Variants in CA1 observed in about 807,000 individuals in gnomAD.
CA1 encodes the protein carbonic anhydrase 1.
A neutral mutation model predicts 28.8 loss-of-function variants in CA1; 27 were observed. That is an observed-to-expected ratio of 0.94 (90% CI 0.69 to 1.29). The LOEUF (loss-of-function observed/expected upper bound fraction) is 1.29. Among genes scored for constraint, CA1 ranks in the 50% most tolerant of loss-of-function variants. The pLI is 0.00. For missense variants in CA1, 335 were observed against 310.5 expected, an observed-to-expected ratio of 1.08 and a Z score of -0.59; for synonymous variants, 121 against 108.8, an observed-to-expected ratio of 1.11 and a Z score of -0.70.
intron 1 of CA1, among the ~76,000 whole-genome samples, chr8:85,356,813 C>A (rs1019739498): frequency 6.6e-6 from 1 of 152,082 alleles, no homozygotes; most frequent in East Asian, 1.9e-4. Context: ...AGATGAATCT[C>A]CTAAATTATT....
chr8:85,348,630 C>T (rs79569380), intron 1 of CA1, among the ~76,000 whole-genome samples: 4,081 of 152,234 alleles, frequency 0.027, 180 homozygotes, highest in African/African-American at 0.092. Flanking sequence ...GAAGTAGTAT[C>T]TACAACGTTC....
intron 1 of CA1, among the ~76,000 whole-genome samples, chr8:85,354,386 C>G (rs1183850149): frequency 6.6e-6 from 1 of 151,662 alleles, no homozygotes; most frequent in Non-Finnish European, 1.5e-5. Context: ...GGAAATTAAT[C>G]TCTTAGATAC....
At position 85,337,018 on chromosome 8, in the gene CA1, A is replaced by G. The variant is rs752065293; in HGVS notation, c.281T>C (p.Phe94Ser). 1.2e-6 allele frequency: 2 copies of G among 1,613,354 alleles called. No homozygotes were observed. The highest frequency in any genetic ancestry group is 1.7e-6 in the Non-Finnish European group (2 of 1,179,376). ...ATTTGTACTGCCCCAGTGAAAATGG[A>G]ACTGAAAGAGCCTGTAGCTGTCAGA... ...PFSDSYRLFQ[F>S]HFHWGSTNEH... The change falls in exon 4 of 8, where the codon TTC (phenylalanine) becomes TCC (serine). Residue 94 changes from phenylalanine (F) to serine (S), a missense_variant. Phe to Ser is a radical substitution (Grantham distance 155). Transcript: ENST00000523022.
chr8:85,347,129 C>CT (rs1030193130), intron 1 of CA1, among the ~76,000 whole-genome samples: 4 of 152,150 alleles, frequency 2.6e-5, no homozygotes, highest in African/African-American at 9.7e-5. Context: ...CTGAAATCAG[C>CT]TTTTTTAGCT....
intron 2 of CA1, among the ~76,000 whole-genome samples, 184 bp from the exon 3 acceptor site, chr8:85,338,633 T>TCC: frequency 6.3e-4 from 1 of 1,582 alleles, no homozygotes; most frequent in Non-Finnish European, 2.1e-3. Flanking sequence ...TTTCCTTCTT[T>TCC]TTCTTTCTTT....
chr8:85,344,210 TA>T (rs1809053187), intron 1 of CA1, among the ~76,000 whole-genome samples: 3 of 110,550 alleles, frequency 2.7e-5, no homozygotes, highest in South Asian at 4.6e-4. Flanking sequence ...CAGTATATAA[TA>T]TAATTATATT....
intron 1 of CA1, among the ~76,000 whole-genome samples, chr8:85,356,515 T>G (rs1410598807): frequency 6.6e-6 from 1 of 152,182 alleles, no homozygotes; most frequent in Admixed American, 6.5e-5. Context: ...AAAATATTTA[T>G]TCACTAATTT....
At chr8:85,332,427 A>G (rs1219211833) in intron 6 of CA1, 63 bp downstream of exon 6, 7 of 1,335,124 alleles carry the variant, frequency 5.2e-6, no homozygotes, top group Non-Finnish European at 7.5e-6. Context: ...ACTTCATTAA[A>G]TGATTTCCAT....
intron 1 of CA1, among the ~76,000 whole-genome samples, chr8:85,362,288 T>C (rs1220398774): frequency 6.6e-6 from 1 of 152,200 alleles, no homozygotes; most frequent in Non-Finnish European, 1.5e-5. Flanking sequence ...TAATCTCCCA[T>C]CTCAGGATCC....
At chr8:85,332,049 C>CA (rs1808428232) in intron 6 of CA1, among the ~76,000 whole-genome samples, 2 of 152,152 alleles carry the variant, frequency 1.3e-5, no homozygotes, top group African/African-American at 2.4e-5. Context: ...TTGTATATAT[C>CA]AAAAAATCCA....
At chr8:85,377,621 A>G (rs962649856) in intron 1 of CA1, among the ~76,000 whole-genome samples, 16 of 152,170 alleles carry the variant, frequency 1.1e-4, no homozygotes, top group Non-Finnish European at 1.3e-4. Context: ...CCTTGCAAAC[A>G]TGGTGAAATC....
At chr8:85,351,469 G>A (rs567972898) in intron 1 of CA1, among the ~76,000 whole-genome samples, 16 of 152,298 alleles carry the variant, frequency 1.1e-4, no homozygotes, top group Admixed American at 3.3e-4. Flanking sequence ...ATCTAATATT[G>A]ACAGCACTGC....
chr8:85,355,369 T>G (rs141839677), intron 1 of CA1, among the ~76,000 whole-genome samples: 1 of 152,224 alleles, frequency 6.6e-6, no homozygotes, highest in Non-Finnish European at 1.5e-5. Context: ...CAACCAAATG[T>G]ACCTATGCAC....
chr8:85,329,662 C>T, intron 7 of CA1, 27 bp downstream of exon 7: 1 of 1,590,688 alleles, frequency 6.3e-7, no homozygotes, highest in Non-Finnish European at 8.6e-7. Flanking sequence ...CTACGCATTC[C>T]CAGTTCCCAT....
At chr8:85,367,711 TAGAG>T (rs989554483) in intron 1 of CA1, among the ~76,000 whole-genome samples, 11 of 152,180 alleles carry the variant, frequency 7.2e-5, no homozygotes, top group African/African-American at 2.4e-4. Flanking sequence ...GGACCACACT[TAGAG>T]AGCCACTGCT....
At chr8:85,371,520 A>AT (rs1485431705) in intron 1 of CA1, among the ~76,000 whole-genome samples, 3 of 152,112 alleles carry the variant, frequency 2.0e-5, no homozygotes, top group Non-Finnish European at 2.9e-5. Flanking sequence ...CTTTAATGCC[A>AT]TGTGTAGTAC....
rs576675721 is a variant in CA1 at position 85,328,344 on chromosome 8, T to A, written c.*216A>T. ...CTAAACTTGAATTTAAGCATAAGCT[T>A]ATGCTTACAGATTACTATTTGCTAG... On this transcript the variant is annotated 3_prime_UTR_variant, in exon 8 of 8. Coordinates refer to ENST00000523022, the MANE Select transcript of CA1 (RefSeq NM_001128831.4). 2.0e-4 allele frequency: 77 copies of A among 387,052 alleles called. 1 individual carries two copies. Among genetic ancestry groups the A allele is most frequent in the South Asian group, 6.4e-4 (13 of 20,198 alleles). 24.0% of individuals were successfully genotyped at this position (387,052 alleles called of 1,614,324 possible).
intron 1 of CA1, among the ~76,000 whole-genome samples, chr8:85,371,702 C>T (rs775926958): frequency 2.6e-5 from 4 of 152,036 alleles, no homozygotes; most frequent in Admixed American, 2.6e-4. Context: ...ATTTGCTGAG[C>T]GTGAGTGAAG....
At chr8:85,357,557 AT>A (rs1809648499) in intron 1 of CA1, among the ~76,000 whole-genome samples, 1 of 152,226 alleles carries the variant, frequency 6.6e-6, no homozygotes, top group African/African-American at 2.4e-5. Context: ...ATCTAATGAA[AT>A]AGAATAAAAT....
Sources: allele counts gnomAD v4.1 joint callset (sites outside exome capture counted in the v4.1 genomes callset), GRCh38; gene constraint gnomAD v4.1.1; transcripts MANE v1.5; gene names NCBI Gene and HGNC (gene_info 2026-07-23, HGNC 2026-07-21).